Variants in AMMECR1 observed in about 807,000 individuals in gnomAD.
AMMECR1 encodes the protein AMMECR nuclear protein 1.
In AMMECR1, 3 loss-of-function variants were observed where a neutral mutation model predicts 22.5. The observed-to-expected ratio is 0.13, with a 90% CI of 0.06 to 0.35. The LOEUF (loss-of-function observed/expected upper bound fraction) is 0.35, where lower values mean the gene tolerates loss of function less well. Ranked by LOEUF, AMMECR1 falls within the 10% of genes least tolerant of loss-of-function variation. The pLI is 1.00. For synonymous variants in AMMECR1, 130 were observed against 116.7 expected, an observed-to-expected ratio of 1.11 and a Z score of -0.74; for missense variants, 235 against 278.7, an observed-to-expected ratio of 0.84 and a Z score of 1.12.
intron 2 of AMMECR1, among the ~76,000 whole-genome samples, chrX:110,419,713 G>A (rs997039112): frequency 8.9e-5 from 10 of 112,056 alleles, no homozygotes; most frequent in Admixed American, 6.6e-4. Context: ...TGGCAGAACT[G>A]TGTCATTCCA....
chrX:110,406,319 A>G (rs1201638153), intron 2 of AMMECR1, among the ~76,000 whole-genome samples: 1 of 99,599 alleles, frequency 1.0e-5, no homozygotes, highest in Non-Finnish European at 2.0e-5. Context: ...ATGTGTTCTC[A>G]TTGTTCAACT....
intron 2 of AMMECR1, among the ~76,000 whole-genome samples, chrX:110,406,141 T>C: frequency 1.8e-5 from 2 of 110,036 alleles, no homozygotes; most frequent in Admixed American, 1.9e-4. Flanking sequence ...AAGTTCTGTG[T>C]TACATGTGCA....
intron 2 of AMMECR1, among the ~76,000 whole-genome samples, chrX:110,234,984 T>A (rs745889869): frequency 1.8e-5 from 2 of 111,708 alleles, no homozygotes; most frequent in East Asian, 5.6e-4. Flanking sequence ...ACAAATGGGA[T>A]CTAATTAAAC....
At chrX:110,314,144 CGT>C (rs1043910336) in intron 1 of AMMECR1, among the ~76,000 whole-genome samples, 1 of 111,693 alleles carries the variant, frequency 9.0e-6, no homozygotes, top group Non-Finnish European at 1.9e-5. Flanking sequence ...CTTTAATGTG[CGT>C]AAGAATCACC....
chrX:110,209,504 T>C (rs1347501978), intron 3 of AMMECR1, among the ~76,000 whole-genome samples: 1 of 112,274 alleles, frequency 8.9e-6, no homozygotes, highest in Non-Finnish European at 1.9e-5. Context: ...TCAAGGGAAT[T>C]CTTTTTGTGA....
chrX:110,256,097 G>C (rs913955444), intron 2 of AMMECR1, among the ~76,000 whole-genome samples: 4 of 111,803 alleles, frequency 3.6e-5, no homozygotes, highest in African/African-American at 9.7e-5. Context: ...GAACGTCATA[G>C]AGTGTATTTA....
intron 2 of AMMECR1, among the ~76,000 whole-genome samples, chrX:110,406,576 T>C (rs1378781914): frequency 8.9e-6 from 1 of 112,126 alleles, no homozygotes; most frequent in Non-Finnish European, 1.9e-5. Flanking sequence ...TAGGTGGGCA[T>C]GTGTCTTTAT....
intron 2 of AMMECR1, among the ~76,000 whole-genome samples, chrX:110,243,746 C>T (rs1207692782): frequency 8.9e-6 from 1 of 111,795 alleles, no homozygotes; most frequent in Non-Finnish European, 1.9e-5. Flanking sequence ...TGCTTTGTGG[C>T]ATGGCCTAAG....
intron 2 of AMMECR1, among the ~76,000 whole-genome samples, chrX:110,415,629 C>T (rs1048791442): frequency 9.0e-6 from 1 of 111,057 alleles, no homozygotes. Context: ...TTTGCATGGT[C>T]AGGAATCTTG....
intron 2 of AMMECR1, among the ~76,000 whole-genome samples, chrX:110,233,823 C>T (rs765767667): frequency 1.8e-4 from 20 of 111,981 alleles, no homozygotes; most frequent in Non-Finnish European, 3.2e-4. Flanking sequence ...ATTGATGGAA[C>T]GTATCTCAAA....
chrX:110,219,337 C>T (rs1017269580), intron 2 of AMMECR1: 57 of 749,616 alleles, frequency 7.6e-5, no homozygotes, highest in Middle Eastern at 7.6e-4. Context: ...AGTGCTAGAC[C>T]TCCTTTAATG....
At chrX:110,366,328 T>C (rs2068296965) in intron 2 of AMMECR1, among the ~76,000 whole-genome samples, 2 of 111,461 alleles carry the variant, frequency 1.8e-5, no homozygotes. Flanking sequence ...ATATTCAGAG[T>C]CCTTAATAGG....
chrX:110,372,917 C>T (rs2068349654), intron 2 of AMMECR1, among the ~76,000 whole-genome samples: 1 of 111,833 alleles, frequency 8.9e-6, no homozygotes, highest in African/African-American at 3.3e-5. Flanking sequence ...GTGCTTCCCT[C>T]ATAAAACAAA....
intron 2 of AMMECR1, among the ~76,000 whole-genome samples, chrX:110,409,331 T>G (rs2068625165): frequency 9.0e-6 from 1 of 111,317 alleles, no homozygotes; most frequent in Non-Finnish European, 1.9e-5. Flanking sequence ...TCCTCTTATC[T>G]TGAGACATGC....
intron 2 of AMMECR1, among the ~76,000 whole-genome samples, chrX:110,421,946 G>A (rs963278984): frequency 5.3e-5 from 6 of 113,046 alleles, no homozygotes; most frequent in Admixed American, 9.3e-5. Flanking sequence ...ACAGGTTCCT[G>A]AAGTTTTCTT....
intron 2 of AMMECR1, among the ~76,000 whole-genome samples, chrX:110,394,483 T>C (rs1254259303): frequency 1.8e-5 from 2 of 112,545 alleles, no homozygotes; most frequent in Non-Finnish European, 3.8e-5. Context: ...TGGATCTTTA[T>C]TTAGAAGTTT....
intron 2 of AMMECR1, among the ~76,000 whole-genome samples, chrX:110,330,619 TA>T (rs2068117039): frequency 8.9e-6 from 1 of 112,332 alleles, no homozygotes; most frequent in Non-Finnish European, 1.9e-5. Flanking sequence ...AACTCATTTT[TA>T]TTATATTTCA....
chrX:110,213,598 A>G (rs141599752), intron 3 of AMMECR1, among the ~76,000 whole-genome samples: 1,460 of 112,169 alleles, frequency 0.013, 10 homozygotes, highest in Non-Finnish European at 0.019. Context: ...CAACACTTCA[A>G]TTCTTTTGGG....
chrX:110,208,398 A>G (rs1435026853), intron 3 of AMMECR1, among the ~76,000 whole-genome samples: 3 of 112,222 alleles, frequency 2.7e-5, no homozygotes, highest in Non-Finnish European at 3.8e-5. Flanking sequence ...ACCAAAATAC[A>G]TATGTGTTGC....
Sources: allele counts gnomAD v4.1 joint callset (sites outside exome capture counted in the v4.1 genomes callset), GRCh38; gene constraint gnomAD v4.1.1; transcripts MANE v1.5; gene names NCBI Gene and HGNC (gene_info 2026-07-23, HGNC 2026-07-21).